The following DOCK3 variants were observed in gnomAD, a reference collection of about 807,000 sequenced individuals.
DOCK3 encodes the protein dedicator of cytokinesis 3, also known as dedicator of cytokinesis protein 3.
DOCK3 carries 60 observed loss-of-function variants against 265.6 expected under a neutral mutation model. That is an observed-to-expected ratio of 0.23 (90% CI 0.18 to 0.28). DOCK3 has a LOEUF of 0.28. Ranked by LOEUF, DOCK3 falls within the 10% of genes least tolerant of loss-of-function variation. DOCK3 has a pLI of 1.00. For synonymous variants in DOCK3, 881 were observed against 938.0 expected (o/e 0.94, Z 1.11); for missense variants, 1,981 against 2,594.3 (o/e 0.76, Z 5.14).
intron 4 of DOCK3, among the ~76,000 whole-genome samples, chr3:50,920,930 G>A (rs898861335): frequency 6.6e-6 from 1 of 152,166 alleles, no homozygotes. Flanking sequence ...ATGTGTCCCA[G>A]AGATTCTGGT....
chr3:51,301,770 A>G (rs942641556), intron 27 of DOCK3, among the ~76,000 whole-genome samples: 1 of 152,146 alleles, frequency 6.6e-6, no homozygotes, highest in African/African-American at 2.4e-5. Flanking sequence ...CTTGAGTTCT[A>G]ATTGATAGCA....
At chr3:50,722,659 G>A (rs779941855) in intron 1 of DOCK3, among the ~76,000 whole-genome samples, 1 of 152,072 alleles carries the variant, frequency 6.6e-6, no homozygotes, top group Admixed American at 6.6e-5. Flanking sequence ...AGATGGCCCA[G>A]GTGTTGGAAT....
intron 9 of DOCK3, among the ~76,000 whole-genome samples, chr3:51,135,943 C>G (rs1291850911): frequency 1.3e-5 from 2 of 152,126 alleles, no homozygotes; most frequent in South Asian, 4.1e-4. Flanking sequence ...CTCCTGGGCT[C>G]AAGTGATCCT....
intron 1 of DOCK3, among the ~76,000 whole-genome samples, chr3:50,746,375 G>A (rs1275170548): frequency 6.6e-6 from 1 of 152,020 alleles, no homozygotes. Flanking sequence ...ACAAAGTGCT[G>A]GGATTACAGG....
intron 5 of DOCK3, among the ~76,000 whole-genome samples, chr3:51,013,057 T>C (rs1461330611): frequency 2.6e-5 from 4 of 152,226 alleles, no homozygotes; most frequent in African/African-American, 4.8e-5. Flanking sequence ...TCTAATCTTT[T>C]TTCCAGATGT....
chr3:51,374,551 T>C lies in DOCK3; in HGVS notation c.5376T>C (p.Ser1792=). The change falls in exon 50 of 53, where the codon AGT becomes AGC. Residue 1792 remains serine (S), a synonymous_variant. Coordinates refer to ENST00000266037, the MANE Select transcript of DOCK3 (RefSeq NM_004947.5). This position sits in a 1 kb window ranked among gnomAD's most constrained non-coding sequence, Gnocchi z 4.8. ...LLPTYRDRPS[S]AMYPAAILEN... ...CCACATACCGGGACCGCCCAAGCAG[T>C]GCCATGTATCCAGCAGCCATCCTGG... The C allele has an allele frequency of 6.2e-7, 1 of 1,613,720 alleles. No homozygotes were observed. The highest frequency in any genetic ancestry group is 8.5e-7 in the Non-Finnish European group (1 of 1,179,814).
intron 14 of DOCK3, among the ~76,000 whole-genome samples, chr3:51,217,380 A>G (rs959261361): frequency 6.6e-6 from 1 of 152,224 alleles, no homozygotes; most frequent in Admixed American, 6.5e-5. Context: ...GGCCATGACT[A>G]CACAGCCATT....
intron 4 of DOCK3, chr3:50,901,048 A>AT (rs2049163878): frequency 3.2e-6 from 1 of 307,944 alleles, no homozygotes. Flanking sequence ...AGGCTGGAAC[A>AT]TTTAAGTCTG....
intron 27 of DOCK3, among the ~76,000 whole-genome samples, chr3:51,281,777 G>A (rs1002008688): frequency 6.6e-6 from 1 of 152,164 alleles, no homozygotes; most frequent in Non-Finnish European, 1.5e-5. Context: ...CCTGTAGATG[G>A]CCAAAGAGAT....
intron 5 of DOCK3, among the ~76,000 whole-genome samples, chr3:51,012,202 G>T (rs1559934487): frequency 6.6e-6 from 1 of 152,144 alleles, no homozygotes; most frequent in East Asian, 1.9e-4. Flanking sequence ...CTTTTGTTCA[G>T]CTATGCCCTG....
chr3:50,863,197 AT>A (rs1407808862), intron 3 of DOCK3, among the ~76,000 whole-genome samples: 4 of 151,940 alleles, frequency 2.6e-5, no homozygotes, highest in African/African-American at 9.7e-5. Context: ...GTCACAGTGG[AT>A]TGTAGGGTAT....
chr3:51,250,783 A>G (rs1438109203), intron 22 of DOCK3, among the ~76,000 whole-genome samples: 1 of 152,212 alleles, frequency 6.6e-6, no homozygotes, highest in Non-Finnish European at 1.5e-5. Context: ...ACAGTTAGGG[A>G]GTGAGCACTC....
At chr3:50,677,017 G>A (rs759028152) in intron 1 of DOCK3, among the ~76,000 whole-genome samples, 3 of 152,190 alleles carry the variant, frequency 2.0e-5, no homozygotes, top group Non-Finnish European at 4.4e-5. Flanking sequence ...AAAGCACTAG[G>A]ATTTGGTGTG....
chr3:51,150,072 G>A (rs894116446), intron 10 of DOCK3, among the ~76,000 whole-genome samples: 123 of 152,124 alleles, frequency 8.1e-4, no homozygotes, highest in Non-Finnish European at 3.4e-4. Context: ...TCTTGGGAGG[G>A]TGTATGTGTC....
At chr3:50,804,719 GGAGACCGTGGAGAGAGAGGGAGAGA>G (rs1056310909) in intron 2 of DOCK3, among the ~76,000 whole-genome samples, 11 of 151,884 alleles carry the variant, frequency 7.2e-5, no homozygotes, top group Non-Finnish European at 1.3e-4. Context: ...GGCATCAGAG[GGAGACCGTGGAGAGAGAGGGAGAGA>G]GAGACCGTGG....
intron 12 of DOCK3, among the ~76,000 whole-genome samples, chr3:51,163,091 G>A (rs1180532273): frequency 3.3e-5 from 5 of 152,146 alleles, no homozygotes; most frequent in African/African-American, 1.2e-4. Context: ...TTTCCAGTAA[G>A]TTTCAGGCAA....
chr3:50,757,937 A>G (rs938062220), intron 1 of DOCK3, among the ~76,000 whole-genome samples: 4 of 152,044 alleles, frequency 2.6e-5, no homozygotes, highest in African/African-American at 7.2e-5. Flanking sequence ...GCACTTTGGG[A>G]GGCTGAGGCG....
rs997303714 is a variant in DOCK3 at position 50,723,365 on chromosome 3, G to T, written c.37+48065G>T. On this transcript the variant is annotated intron_variant, in intron 1 of 52. Transcript: ENST00000266037. The stretch of plus-strand genomic sequence containing the variant: ...AGAGTAGACGGAAAGTGGAATAAAA[G>T]AAATAATTCAAAAAGTAATGACTGG... Among the ~76,000 whole-genome samples the T allele has an allele frequency of 3.3e-5, 5 of 152,254 alleles. No homozygotes were observed. The South Asian group carries it at 6.2e-4, about 19-fold the overall frequency.
intron 1 of DOCK3, among the ~76,000 whole-genome samples, chr3:50,740,423 T>C (rs1016106965): frequency 1.3e-5 from 2 of 152,188 alleles, no homozygotes; most frequent in Non-Finnish European, 2.9e-5. Flanking sequence ...AGGTATATAC[T>C]TAACTTTTTT....
Sources: gnomAD v4.1 joint callset for allele counts (sites outside exome capture counted in the v4.1 genomes callset) on GRCh38, gnomAD v4.1.1 for gene constraint, Gnocchi (gnomAD v3.1) non-coding constraint, MANE v1.5 for transcripts, NCBI Gene and HGNC (gene_info 2026-07-23, HGNC 2026-07-21) for gene names.